The following NCOR1 variants were observed in gnomAD, a reference collection of about 807,000 sequenced individuals.
The protein encoded by NCOR1 is protein phosphatase 1, regulatory subunit 109.
In NCOR1, 63 loss-of-function variants were observed where a neutral mutation model predicts 288.1. That is an observed-to-expected ratio of 0.22 (90% CI 0.18 to 0.27). NCOR1 has a LOEUF of 0.27. NCOR1 is among the 10% of genes least tolerant of loss of function. NCOR1 has a pLI of 1.00. For synonymous variants in NCOR1, 1,007 were observed against 1,065.9 expected, an observed-to-expected ratio of 0.94 and a Z score of 1.08; for missense variants, 2,397 against 3,019.2, an observed-to-expected ratio of 0.79 and a Z score of 4.83.
At chr17:16,128,868 A>G (rs1429012117) in intron 14 of NCOR1, among the ~76,000 whole-genome samples, 1 of 152,184 alleles carries the variant, frequency 6.6e-6, no homozygotes, top group Non-Finnish European at 1.5e-5. Context: ...CTTCTAATCC[A>G]AGGGGCAAGG....
At chr17:16,077,012 T>C (rs2062561898) in intron 26 of NCOR1, among the ~76,000 whole-genome samples, 1 of 152,174 alleles carries the variant, frequency 6.6e-6, no homozygotes, top group Non-Finnish European at 1.5e-5. Context: ...AAGTTTTGCC[T>C]CATCTGCCAC....
intron 1 of NCOR1, among the ~76,000 whole-genome samples, chr17:16,205,913 G>A (rs1205063395): frequency 6.7e-6 from 1 of 149,848 alleles, no homozygotes; most frequent in Admixed American, 6.7e-5. Flanking sequence ...CTCTAGCCTG[G>A]GCAACAAGAG....
At chr17:16,113,952 AC>A (rs1426468684) in intron 18 of NCOR1, among the ~76,000 whole-genome samples, 6 of 152,196 alleles carry the variant, frequency 3.9e-5, no homozygotes, top group East Asian at 1.9e-4. Context: ...TATTAAAAAA[AC>A]ATTATCAATC....
chr17:16,183,815 A>G (rs1293688299), intron 3 of NCOR1, among the ~76,000 whole-genome samples: 1 of 152,198 alleles, frequency 6.6e-6, no homozygotes, highest in Non-Finnish European at 1.5e-5. Context: ...AAGAGACATC[A>G]CACTTCCTGA....
intron 6 of NCOR1, among the ~76,000 whole-genome samples, chr17:16,156,032 C>A (rs1223293298): frequency 6.6e-6 from 1 of 152,124 alleles, no homozygotes; most frequent in African/African-American, 2.4e-5. Flanking sequence ...GGGGCTCACA[C>A]GTGTAATCTC....
rs1237104643 is a variant in NCOR1, at chr17:16,034,884, A to G, written c.7016T>C (p.Ile2339Thr). 5 of 1,614,164 alleles carry G rather than the reference A, an allele frequency of 3.1e-6. No individual in the cohort carries two copies. Among genetic ancestry groups the G allele is most frequent in the Non-Finnish European group, 4.2e-6 (5 of 1,180,018 alleles). Reference sequence around the variant, plus strand: ...CGTTCCTAAGTAGCCTTGCCCAGGTATAGGAGACTTAGATTTCCTGCTGTT... The same window carrying G: ...CGTTCCTAAGTAGCCTTGCCCAGGTGTAGGAGACTTAGATTTCCTGCTGTT... Reference protein sequence around the residue: ...KSNSRKSKSPIPGQGYLGTER... With the variant: ...KSNSRKSKSPTPGQGYLGTER... The change falls in exon 45 of 46, where the codon ATA becomes ACA. Residue 2339 changes from isoleucine to threonine, a missense_variant. By Grantham distance (89) the Ile-to-Thr change is moderately conservative. Transcript: ENST00000268712.
At chr17:16,197,156 C>T (rs2089996728) in intron 1 of NCOR1, among the ~76,000 whole-genome samples, 1 of 151,862 alleles carries the variant, frequency 6.6e-6, no homozygotes, top group South Asian at 2.1e-4. Flanking sequence ...CTGGTCTCTA[C>T]TAAAGATACA....
At chr17:16,050,902 CT>C (rs1248067239) in intron 40 of NCOR1, among the ~76,000 whole-genome samples, 1 of 152,020 alleles carries the variant, frequency 6.6e-6, no homozygotes, top group Non-Finnish European at 1.5e-5. Flanking sequence ...AGTACAATCA[CT>C]GCTTACTGCA....
chr17:16,067,688 C>A (rs192043960), intron 32 of NCOR1, among the ~76,000 whole-genome samples: 26 of 152,236 alleles, frequency 1.7e-4, no homozygotes, highest in Admixed American at 1.7e-3. Context: ...ATATACTATT[C>A]TTTTTAGTTC....
intron 19 of NCOR1, among the ~76,000 whole-genome samples, chr17:16,102,619 A>T (rs1309031502): frequency 6.9e-6 from 1 of 144,948 alleles, no homozygotes; most frequent in East Asian, 2.1e-4. Context: ...TTGGAGGCAG[A>T]GTCTCGCTCT....
chr17:16,137,160 T>C, intron 14 of NCOR1, 151 bp downstream of exon 14: 1 of 462,638 alleles, frequency 2.2e-6, no homozygotes, highest in Non-Finnish European at 3.8e-6. Flanking sequence ...TATATAAATA[T>C]AACTTCAAAA....
At chr17:16,098,201 T>G (rs1399418916) in intron 21 of NCOR1, among the ~76,000 whole-genome samples, 166 bp downstream of exon 21, 1 of 152,240 alleles carries the variant, frequency 6.6e-6, no homozygotes, top group East Asian at 1.9e-4. Context: ...TTAACACACT[T>G]AACACGAGTG....
chr17:16,101,310 T>C lies in NCOR1; in HGVS notation c.2630A>G (p.Asn877Ser), dbSNP rs374716557. The change falls in exon 20 of 46, where the codon AAT becomes AGT. Residue 877 changes from asparagine to serine, a missense_variant. Asn to Ser is a conservative substitution (Grantham distance 46, BLOSUM62 1). Transcript: ENST00000268712. ...NAQRPEPQSD[N>S]DSSATCSADE... ...AGCGCTGCACGTGGCACTGGAATCA[T>C]TGTCTGACTGGGGCTCGGGCCTTTG... is the stretch of plus-strand genomic sequence containing the variant. The C allele has an allele frequency of 1.3e-5, 21 of 1,613,610 alleles. No homozygotes were observed. In the African/African-American group the frequency reaches 1.9e-4, roughly 14 times the overall value.
chr17:16,101,280 T>TCA lies in NCOR1; in HGVS notation c.2658_2659dup (p.Glu887ValfsTer23). On this transcript the variant is annotated frameshift_variant, in exon 20 of 46. Coordinates refer to ENST00000268712, the MANE Select transcript of NCOR1 (RefSeq NM_006311.4). LOFTEE classifies it high-confidence loss of function. Reference sequence around the variant, plus strand: ...CCTCTCTGGCTCTCCATCCACATCCTCATCAGCGCTGCACGTGGCACTGGA... The same window carrying TCA: ...CCTCTCTGGCTCTCCATCCACATCCTCACATCAGCGCTGCACGTGGCACTGGA... The TCA allele has an allele frequency of 6.2e-7, 1 of 1,606,938 alleles. No homozygotes were observed. Among genetic ancestry groups the TCA allele is most frequent in the Non-Finnish European group, 8.5e-7 (1 of 1,176,678 alleles).
intron 15 of NCOR1, among the ~76,000 whole-genome samples, chr17:16,123,924 C>G (rs1338909237): frequency 1.3e-5 from 2 of 152,184 alleles, no homozygotes; most frequent in Admixed American, 6.5e-5. Context: ...CACATTCTCC[C>G]TAAGACCTAG....
At chr17:16,061,262 C>G (rs931119044) in intron 37 of NCOR1, 139 bp downstream of exon 37, 1 of 1,057,986 alleles carries the variant, frequency 9.5e-7, no homozygotes, top group Non-Finnish European at 1.4e-6. Flanking sequence ...ATCATAAAAA[C>G]AGCAGAAGAT....
intron 1 of NCOR1, among the ~76,000 whole-genome samples, chr17:16,214,644 C>T (rs1024921325): frequency 2.6e-5 from 4 of 152,144 alleles, no homozygotes; most frequent in African/African-American, 9.7e-5. Context: ...CACTTATTCC[C>T]ATCCATTCCT....
chr17:16,082,099 A>C (rs1483290840), intron 23 of NCOR1, among the ~76,000 whole-genome samples: 3 of 152,238 alleles, frequency 2.0e-5, no homozygotes, highest in Non-Finnish European at 4.4e-5. Context: ...ATCAGACTTC[A>C]GTGGCTACAC....
rs1971823975 is a variant in NCOR1 at position 16,030,532 on chromosome 17, T to C, written c.*1764A>G. ...CAGCAGAAAACTGTGAAGTGGAACATTTAGTCACTGTTTTTCATTCATTTT... is the reference window on the plus strand; with the variant it reads ...CAGCAGAAAACTGTGAAGTGGAACACTTAGTCACTGTTTTTCATTCATTTT... On this transcript the variant is annotated 3_prime_UTR_variant, in exon 46 of 46. Coordinates refer to ENST00000268712, the MANE Select transcript of NCOR1 (RefSeq NM_006311.4). 1 of 193,140 alleles carries C rather than the reference T, an allele frequency of 5.2e-6. No homozygotes were observed. The highest frequency in any genetic ancestry group is 1.1e-5 in the Non-Finnish European group (1 of 92,582). 12.0% of individuals were successfully genotyped at this position (193,140 alleles called of 1,614,324 possible).
Sources: allele counts gnomAD v4.1 joint callset (sites outside exome capture counted in the v4.1 genomes callset), GRCh38; gene constraint gnomAD v4.1.1; transcripts MANE v1.5; gene names NCBI Gene and HGNC (gene_info 2026-07-23, HGNC 2026-07-21).